ANTXR1: variants seen among roughly 807,000 people sequenced by gnomAD.
ANTXR1 encodes anthrax toxin receptor 1.
Under a neutral mutation model 78.1 loss-of-function variants are expected in ANTXR1, and 19 were observed. The ratio of observed to expected loss-of-function variants is 0.24; its 90% CI spans 0.17 to 0.36. ANTXR1 has a LOEUF of 0.36. Ranked by LOEUF, ANTXR1 falls within the 10% of genes least tolerant of loss-of-function variation. The pLI, the probability that ANTXR1 is intolerant of heterozygous loss-of-function variation, is 1.00. For synonymous variants in ANTXR1, 273 were observed against 260.5 expected, an observed-to-expected ratio of 1.05 and a Z score of -0.46; for missense variants, 518 against 718.6, an observed-to-expected ratio of 0.72 and a Z score of 3.19.
intron 10 of ANTXR1, chr2:69,103,426 C>T (rs1671697594): frequency 1.0e-5 from 2 of 195,514 alleles, no homozygotes; most frequent in African/African-American, 2.5e-5. Flanking sequence ...AAACCGAAAA[C>T]CAAACCATTA....
chr2:69,083,897 C>A (rs1426587599), intron 8 of ANTXR1, among the ~76,000 whole-genome samples: 1 of 152,178 alleles, frequency 6.6e-6, no homozygotes, highest in Admixed American at 6.5e-5. Flanking sequence ...TCAAAAAAAT[C>A]TTTTGCCTCA....
chr2:69,123,502 T>G (rs1373475085), intron 11 of ANTXR1, among the ~76,000 whole-genome samples: 1 of 152,152 alleles, frequency 6.6e-6, no homozygotes, highest in Admixed American at 6.5e-5. Context: ...AATTGTTATC[T>G]CCTCCTTAGA....
intron 3 of ANTXR1, among the ~76,000 whole-genome samples, chr2:69,053,461 G>T (rs1351570178): frequency 6.6e-6 from 1 of 152,092 alleles, no homozygotes; most frequent in East Asian, 1.9e-4. Context: ...TTGTGCTCTA[G>T]GATCCCGGGG....
chr2:69,013,350 T>A lies in ANTXR1; in HGVS notation c.-150T>A. On this transcript the variant is annotated 5_prime_UTR_variant, in exon 1 of 18. Transcript: ENST00000303714. This position sits in a 1 kb window ranked among gnomAD's most constrained non-coding sequence, Gnocchi z 5.0. ...AACCAGAGGGGAAACCTTGAACTCC[T>A]CCAGACAATTGCTTCCGGGGAGTTG... 1.8e-6 allele frequency: 2 copies of A among 1,113,332 alleles called. No homozygotes were observed. The highest frequency in any genetic ancestry group is 1.4e-5 in the South Asian group (1 of 72,132). The allele number at this position is 1,113,332 out of a possible 1,614,324, so 69.0% of individuals were successfully genotyped here.
At chr2:69,210,352 T>C (rs1675010470) in intron 17 of ANTXR1, among the ~76,000 whole-genome samples, 1 of 152,224 alleles carries the variant, frequency 6.6e-6, no homozygotes, top group Non-Finnish European at 1.5e-5. Flanking sequence ...GCGTCTTAAT[T>C]GTTCATGTTG....
intron 13 of ANTXR1, among the ~76,000 whole-genome samples, chr2:69,153,335 T>A (rs1461043951): frequency 6.6e-6 from 1 of 151,468 alleles, no homozygotes; most frequent in Non-Finnish European, 1.5e-5. Flanking sequence ...GCACTGGACT[T>A]GAAAAGCAAG....
At chr2:69,210,935 C>CAAAAA (rs1159790329) in intron 17 of ANTXR1, among the ~76,000 whole-genome samples, 54 of 43,158 alleles carry the variant, frequency 1.3e-3, no homozygotes, top group Non-Finnish European at 1.9e-3. Flanking sequence ...GACTCCATCA[C>CAAAAA]AAAAAAAAAA....
At chr2:69,050,073 C>T (rs747140423) in intron 3 of ANTXR1, among the ~76,000 whole-genome samples, 2 of 152,160 alleles carry the variant, frequency 1.3e-5, no homozygotes, top group East Asian at 1.9e-4. Flanking sequence ...GTGAGAGGAT[C>T]GCTTGAGCCC....
chr2:69,013,283 G>C lies in ANTXR1; in HGVS notation c.-217G>C, dbSNP rs1435845104. On this transcript the variant is annotated 5_prime_UTR_variant, in exon 1 of 18. Coordinates refer to ENST00000303714, the MANE Select transcript of ANTXR1 (RefSeq NM_032208.3). The surrounding 1 kb of genome is among the most constrained non-coding windows in gnomAD (Gnocchi z 5.0). ...TTAAAAGAAGCGGAGGACAGGATTG[G>C]GATCCTTGAAACCCGAAACCCAGAA... is the stretch of plus-strand genomic sequence containing the variant. 5 of 675,286 alleles carry C rather than the reference G, an allele frequency of 7.4e-6. No homozygotes were observed. Among genetic ancestry groups the C allele is most frequent in the Admixed American group, 2.6e-5 (1 of 38,712 alleles). 41.8% of individuals were successfully genotyped at this position (675,286 alleles called of 1,614,324 possible).
intron 17 of ANTXR1, among the ~76,000 whole-genome samples, chr2:69,217,231 C>G (rs1263837595): frequency 6.6e-6 from 1 of 152,196 alleles, no homozygotes; most frequent in Admixed American, 6.5e-5. Context: ...GTCAGCAGTT[C>G]CCACCAAAAG....
chr2:69,114,115 T>C (rs1345802556), intron 10 of ANTXR1, among the ~76,000 whole-genome samples: 3 of 152,228 alleles, frequency 2.0e-5, no homozygotes, highest in Non-Finnish European at 4.4e-5. Context: ...ATCTCAATTA[T>C]GTTAAAAGTA....
At chr2:69,184,480 A>G (rs1232674747) in intron 16 of ANTXR1, among the ~76,000 whole-genome samples, 1 of 152,224 alleles carries the variant, frequency 6.6e-6, no homozygotes, top group African/African-American at 2.4e-5. Context: ...ATTCTCAGCC[A>G]TGAAGAAGAA....
At chr2:69,190,534 T>A (rs1419082756) in intron 16 of ANTXR1, among the ~76,000 whole-genome samples, 1 of 152,208 alleles carries the variant, frequency 6.6e-6, no homozygotes. Flanking sequence ...ATGAGGCAAG[T>A]ACCTAACTTC....
chr2:69,209,492 G>A (rs1257166483), intron 17 of ANTXR1, among the ~76,000 whole-genome samples: 1 of 152,202 alleles, frequency 6.6e-6, no homozygotes, highest in Non-Finnish European at 1.5e-5. Flanking sequence ...AGTAAACAAG[G>A]ATATGGTCCT....
At chr2:69,148,505 T>C (rs554671635) in intron 12 of ANTXR1, among the ~76,000 whole-genome samples, 1 of 152,226 alleles carries the variant, frequency 6.6e-6, no homozygotes, top group Non-Finnish European at 1.5e-5. Context: ...TCCACGTGGC[T>C]GTCAGCAAGT....
intron 2 of ANTXR1, among the ~76,000 whole-genome samples, chr2:69,042,378 A>G (rs1669638931): frequency 1.3e-5 from 2 of 152,160 alleles, no homozygotes; most frequent in Non-Finnish European, 2.9e-5. Flanking sequence ...TACTCCTAAA[A>G]GATGCATATG....
At chr2:69,058,716 A>G (rs1670144092) in intron 3 of ANTXR1, among the ~76,000 whole-genome samples, 1 of 152,216 alleles carries the variant, frequency 6.6e-6, no homozygotes, top group South Asian at 2.1e-4. Flanking sequence ...TATTTAAGAA[A>G]TGCATGTCTA....
intron 17 of ANTXR1, among the ~76,000 whole-genome samples, chr2:69,219,887 C>A (rs1675279544): frequency 6.6e-6 from 1 of 152,062 alleles, no homozygotes; most frequent in South Asian, 2.1e-4. Context: ...GTGTTGAGCC[C>A]TCCCATAAGC....
At chr2:69,022,938 T>G (rs144450553) in intron 1 of ANTXR1, among the ~76,000 whole-genome samples, 2 of 152,366 alleles carry the variant, frequency 1.3e-5, no homozygotes, top group East Asian at 3.9e-4. Context: ...TCCTGCTGTG[T>G]GTACATATAC....
Sources: allele counts gnomAD v4.1 joint callset (sites outside exome capture counted in the v4.1 genomes callset), GRCh38; gene constraint gnomAD v4.1.1; non-coding constraint Gnocchi (gnomAD v3.1); transcripts MANE v1.5; gene names NCBI Gene and HGNC (gene_info 2026-07-23, HGNC 2026-07-21).